SRR: variants seen among roughly 807,000 people sequenced by gnomAD.
SRR encodes the protein D-serine ammonia-lyase.
In SRR, 19 loss-of-function variants were observed where a neutral mutation model predicts 32.7. The observed-to-expected ratio is 0.58, with a 90% CI of 0.40 to 0.85. The LOEUF (loss-of-function observed/expected upper bound fraction) is 0.85, where lower values mean the gene tolerates loss of function less well. Among genes scored for constraint, SRR ranks in the 40% least tolerant of loss-of-function variants. The pLI, the probability that SRR is intolerant of heterozygous loss-of-function variation, is 0.00. For missense variants in SRR, 373 were observed against 404.7 expected (o/e 0.92, Z 0.67); for synonymous variants, 142 against 140.9 (o/e 1.01, Z -0.06).
chr17:2,317,842 ATGT>A, intron 2 of SRR, 25 bp from the exon 3 acceptor site: 1 of 1,601,704 alleles, frequency 6.2e-7, no homozygotes, highest in Non-Finnish European at 8.5e-7. Flanking sequence ...TTAATCAAAT[ATGT>A]GAATTCACCA....
intron 1 of SRR, chr17:2,307,558 A>G: frequency 8.9e-7 from 1 of 1,117,326 alleles, no homozygotes; most frequent in Non-Finnish European, 1.3e-6. Context: ...AATTACAACA[A>G]TTAGTCTTCA....
At chr17:2,314,616 G>A (rs2075457330) in intron 1 of SRR, among the ~76,000 whole-genome samples, 1 of 150,812 alleles carries the variant, frequency 6.6e-6, no homozygotes, top group Non-Finnish European at 1.5e-5. Context: ...AGCTGGGCAT[G>A]GTGGTGCATG....
intron 1 of SRR, chr17:2,307,799 G>A: frequency 2.8e-6 from 2 of 726,936 alleles, no homozygotes; most frequent in Non-Finnish European, 4.9e-6. Flanking sequence ...TGTGAACTAA[G>A]CCAAGCACAG....
chr17:2,318,462 TTC>T (rs2075496178), intron 3 of SRR, among the ~76,000 whole-genome samples: 1 of 149,158 alleles, frequency 6.7e-6, no homozygotes, highest in Non-Finnish European at 1.5e-5. Flanking sequence ...ACATGTTTCT[TTC>T]TTTTTTTTTT....
intron 1 of SRR, among the ~76,000 whole-genome samples, chr17:2,309,416 T>A (rs913772857): frequency 8.5e-5 from 13 of 152,216 alleles, no homozygotes; most frequent in Admixed American, 4.6e-4. Context: ...TCAAAAGTAC[T>A]TTTTTCTTTT....
Position 2,324,719 on chromosome 17 carries a change from C to T in SRR, c.*846C>T. ...TTGAAGAACATGTAACGTACTACTG[C>T]CATCTTAGTAAAAATTTTGAAAGGA... On this transcript the variant is annotated 3_prime_UTR_variant, in exon 8 of 8. Coordinates refer to ENST00000344595, the MANE Select transcript of SRR (RefSeq NM_021947.3). 6.2e-7 allele frequency: 1 copy of T among 1,614,166 alleles called. No individual in the cohort carries two copies. The highest frequency in any genetic ancestry group is 8.5e-7 in the Non-Finnish European group (1 of 1,180,026).
upstream of SRR, chr17:2,303,833 C>T: frequency 2.3e-6 from 2 of 853,094 alleles, no homozygotes; most frequent in East Asian, 6.6e-5. Flanking sequence ...TTCCCCGCCC[C>T]CTGCCGCCCT....
At position 2,318,821 on chromosome 17, in the gene SRR, C is replaced by G; in HGVS notation, c.296-5C>G. 3 of 1,610,034 alleles carry G rather than the reference C, an allele frequency of 1.9e-6. No individual in the cohort carries two copies. The East Asian group carries it at 6.7e-5, about 36-fold the overall frequency. On this transcript the variant is annotated splice_region_variant and splice_polypyrimidine_tract_variant and intron_variant, in intron 3 of 7. Coordinates refer to ENST00000344595, the MANE Select transcript of SRR (RefSeq NM_021947.3). ...TGACTTTTTCCTCTCGTTTTCCTCT[C>G]CCAGGAATTCCTGCTTATATTGTGG...
Position 2,324,670 on chromosome 17 carries a change from C to T in SRR, c.*797C>T. 6.2e-7 allele frequency: 1 copy of T among 1,614,056 alleles called. No homozygotes were observed. Among genetic ancestry groups the T allele is most frequent in the Non-Finnish European group, 8.5e-7 (1 of 1,180,012 alleles). On this transcript the variant is annotated 3_prime_UTR_variant, in exon 8 of 8. Transcript: ENST00000344595. Reference sequence around the variant, plus strand: ...TACCACAAAGGCAATCAGATCCCATCCTCCTCCTTCATACCCACCTCTGTT... The same window carrying T: ...TACCACAAAGGCAATCAGATCCCATTCTCCTCCTTCATACCCACCTCTGTT...
rs201360612 is a variant in SRR, at chr17:2,317,513, T to TAAA, written c.169-352_169-350dup. ...GGCTACAACAGAGCGAGACTAGGTCTAAAAAAATAAAAAAAAAAAATTTAG... is the reference window on the plus strand; with the variant it reads ...GGCTACAACAGAGCGAGACTAGGTCTAAAAAAAAAATAAAAAAAAAAAATTTAG... On this transcript the variant is annotated intron_variant, in intron 2 of 7. Coordinates refer to ENST00000344595, the MANE Select transcript of SRR (RefSeq NM_021947.3). 6.4e-5 allele frequency among the ~76,000 whole-genome samples: 8 copies of TAAA among 124,242 alleles called. No homozygotes were observed. The East Asian group carries it at 1.5e-3, about 23-fold the overall frequency. 81.5% of individuals were successfully genotyped at this position (124,242 alleles called of 152,430 possible). A position where few individuals can be genotyped will look rare whatever the true frequency, so the allele number is the denominator to read the frequency against.
rs377663731 is a variant in SRR, at chr17:2,324,850, A to C, written c.*977A>C. 1.9e-6 allele frequency: 3 copies of C among 1,598,054 alleles called. No individual in the cohort carries two copies. The highest frequency in any genetic ancestry group is 1.7e-6 in the Non-Finnish European group (2 of 1,175,044). On this transcript the variant is annotated 3_prime_UTR_variant, in exon 8 of 8. Transcript: ENST00000344595. Reference sequence around the variant, plus strand: ...CATTCCTAAAGGACAAAAGCAAAGAAGCTATTTAGGAATTTACAGGCCAAA... The same window carrying C: ...CATTCCTAAAGGACAAAAGCAAAGACGCTATTTAGGAATTTACAGGCCAAA...
intron 1 of SRR, chr17:2,306,978 T>G: frequency 7.4e-7 from 1 of 1,354,574 alleles, no homozygotes. Context: ...CAGCCACGAA[T>G]GCAAGGCCAC....
At chr17:2,319,595 A>G (rs2075507203) in intron 4 of SRR, among the ~76,000 whole-genome samples, 1 of 151,808 alleles carries the variant, frequency 6.6e-6, no homozygotes, top group Admixed American at 6.6e-5. Flanking sequence ...ATCCTCTCTG[A>G]TAACCCTCTC....
chr17:2,308,826 AT>A (rs2075413201), intron 1 of SRR, among the ~76,000 whole-genome samples: 1 of 151,396 alleles, frequency 6.6e-6, no homozygotes, highest in Non-Finnish European at 1.5e-5. Context: ...TCTCAAAAAA[AT>A]AAAAATATTG....
intron 4 of SRR, among the ~76,000 whole-genome samples, chr17:2,320,040 G>A (rs552110814): frequency 3.3e-5 from 5 of 150,624 alleles, no homozygotes; most frequent in African/African-American, 1.2e-4. Flanking sequence ...GGATGGTCTC[G>A]ATCTCCTGAC....
Position 2,306,259 on chromosome 17 carries a change from C to T in SRR, c.-5+2242C>T, listed in dbSNP as rs568960059. 8.6e-5 allele frequency among the ~76,000 whole-genome samples: 13 copies of T among 151,122 alleles called. No individual in the cohort carries two copies. In the South Asian group the frequency reaches 1.7e-3, roughly 19 times the overall value. On this transcript the variant is annotated intron_variant, in intron 1 of 7. Coordinates refer to ENST00000344595, the MANE Select transcript of SRR (RefSeq NM_021947.3). ...TGAACCTGGGAGGCAGAGGTTGCAGCGAGCCGAGATTGCTCCACTGCACTC... is the reference window on the plus strand; with the variant it reads ...TGAACCTGGGAGGCAGAGGTTGCAGTGAGCCGAGATTGCTCCACTGCACTC...
chr17:2,304,568 A>G (rs564585268), intron 1 of SRR, among the ~76,000 whole-genome samples: 1 of 151,700 alleles, frequency 6.6e-6, no homozygotes, highest in Admixed American at 6.6e-5. Context: ...AAAACTAGAT[A>G]CGATATAGTT....
intron 7 of SRR, 36 bp from the exon 8 acceptor site, chr17:2,323,619 C>A: frequency 6.2e-7 from 1 of 1,602,228 alleles, no homozygotes; most frequent in Non-Finnish European, 8.5e-7. Context: ...ACTAGACTCC[C>A]CTTTCACTAA....
At chr17:2,309,950 G>A (rs997437940) in intron 1 of SRR, 2 of 152,224 alleles carry the variant, frequency 1.3e-5, no homozygotes, top group East Asian at 1.9e-4. Flanking sequence ...GAACCAACTC[G>A]CCTGTGTGAA....
Sources: gnomAD v4.1 joint callset for allele counts (sites outside exome capture counted in the v4.1 genomes callset) on GRCh38, gnomAD v4.1.1 for gene constraint, MANE v1.5 for transcripts, NCBI Gene and HGNC (gene_info 2026-07-23, HGNC 2026-07-21) for gene names.